Variants in ZNF462 observed in about 807,000 individuals in gnomAD.
ZNF462 encodes the protein zinc finger PBX1-interacting protein.
A neutral mutation model predicts 201.9 loss-of-function variants in ZNF462; 10 were observed. That is an observed-to-expected ratio of 0.05 (90% CI 0.03 to 0.08). ZNF462 has a LOEUF of 0.08. Among genes scored for constraint, ZNF462 ranks in the 10% least tolerant of loss-of-function variants. ZNF462 has a pLI of 1.00. For missense variants in ZNF462, 2,523 were observed against 3,168.3 expected (o/e 0.80, Z 4.89); for synonymous variants, 1,227 against 1,193.3 (o/e 1.03, Z -0.58).
rs1322702335 is a variant in ZNF462 at position 107,003,601 on chromosome 9, C to A, written c.7189+175C>A. Reference sequence around the variant, plus strand: ...AGAGCTGTGTCTTTGTAAACTATTACCAGCTATAGAAACGCCAAGGAAAAC... The same window carrying A: ...AGAGCTGTGTCTTTGTAAACTATTAACAGCTATAGAAACGCCAAGGAAAAC... On this transcript the variant is annotated intron_variant, in intron 11 of 12. Transcript: ENST00000277225. The surrounding 1 kb of genome is among the most constrained non-coding windows in gnomAD (Gnocchi z 4.4). Among the ~76,000 whole-genome samples, 2 of 152,106 alleles carry A rather than the reference C, an allele frequency of 1.3e-5. No homozygotes were observed. Among genetic ancestry groups the A allele is most frequent in the African/African-American group, 4.8e-5 (2 of 41,424 alleles).
At position 106,913,052 on chromosome 9, in the gene ZNF462, A is replaced by G. The variant is rs894031423; in HGVS notation, c.-30-10302A>G. 1.3e-5 allele frequency among the ~76,000 whole-genome samples: 2 copies of G among 152,226 alleles called. No homozygotes were observed. Among genetic ancestry groups the G allele is most frequent in the African/African-American group, 2.4e-5 (1 of 41,462 alleles). On this transcript the variant is annotated intron_variant, in intron 1 of 12. Coordinates refer to ENST00000277225, the MANE Select transcript of ZNF462 (RefSeq NM_021224.6). This position sits in a 1 kb window ranked among gnomAD's most constrained non-coding sequence, Gnocchi z 4.1. ...GTCAGGTGATGACTCCAGGTGTCAC[A>G]TCAGTTCAGGGTAGCTTAGCGGTGT...
Position 106,938,246 on chromosome 9 carries a change from AC to A in ZNF462, c.6236-665del, listed in dbSNP as rs1830714307. Among the ~76,000 whole-genome samples, 5 of 152,186 alleles carry A rather than the reference AC, an allele frequency of 3.3e-5. No individual in the cohort carries two copies. The highest frequency in any genetic ancestry group is 2.6e-4 in the Admixed American group (4 of 15,278). ...TATTGGAGATAAACACACACACTGT[AC>A]CCCCTAAACCCCCATGTTTACATAT... On this transcript the variant is annotated intron_variant, in intron 6 of 12. Transcript: ENST00000277225. This position sits in a 1 kb window ranked among gnomAD's most constrained non-coding sequence, Gnocchi z 4.4.
At position 106,891,225 on chromosome 9, in the gene ZNF462, C is replaced by T. The variant is rs140062615; in HGVS notation, c.-31+27870C>T. On this transcript the variant is annotated intron_variant, in intron 1 of 12. Transcript: ENST00000277225. Reference sequence around the variant, plus strand: ...TCCCTGGTACACAAACCTTGAAGCTCATGCTTTTTGCCATTAGGAATTCTG... The same window carrying T: ...TCCCTGGTACACAAACCTTGAAGCTTATGCTTTTTGCCATTAGGAATTCTG... Among the ~76,000 whole-genome samples, 808 of 152,312 alleles carry T rather than the reference C, an allele frequency of 5.3e-3. 10 individuals carry two copies. The highest frequency in any genetic ancestry group is 0.019 in the African/African-American group (785 of 41,562).
Position 106,925,187 on chromosome 9 carries a change from G to A in ZNF462, c.1275G>A (p.Leu425=), listed in dbSNP as rs1830140787. The change falls in exon 3 of 13, where the codon TTG becomes TTA. Residue 425 remains leucine (L), a synonymous_variant. Coordinates refer to ENST00000277225, the MANE Select transcript of ZNF462 (RefSeq NM_021224.6). This position sits in a 1 kb window ranked among gnomAD's most constrained non-coding sequence, Gnocchi z 7.9. ...TGGGCTCAGATGGCAACAAATTATTGGAGACCAAGGGGATTCCATTTAGAA... is the reference window on the plus strand; with the variant it reads ...TGGGCTCAGATGGCAACAAATTATTAGAGACCAAGGGGATTCCATTTAGAA... ...QLMGSDGNKL[L]ETKGIPFRRF... is the part of the protein sequence containing the mutation. 1 of 1,614,184 alleles carries A rather than the reference G, an allele frequency of 6.2e-7. No individual in the cohort carries two copies.
At chr9:107,001,040 C>G (rs1283794142) in intron 10 of ZNF462, among the ~76,000 whole-genome samples, 1 of 152,090 alleles carries the variant, frequency 6.6e-6, no homozygotes, top group Non-Finnish European at 1.5e-5. Context: ...TTTTTGTTTC[C>G]TGGTGACAGC....
At position 106,902,773 on chromosome 9, in the gene ZNF462, C is replaced by G. The variant is rs1829116439; in HGVS notation, c.-30-20581C>G. On this transcript the variant is annotated intron_variant, in intron 1 of 12. Coordinates refer to ENST00000277225, the MANE Select transcript of ZNF462 (RefSeq NM_021224.6). This position sits in a 1 kb window ranked among gnomAD's most constrained non-coding sequence, Gnocchi z 4.2. ...TTCTGTGGTATCAGATGTAATATCA[C>G]CTGTTTTGTTTCTTAGTGAGGTTAT... is the stretch of plus-strand genomic sequence containing the variant. Among the ~76,000 whole-genome samples the G allele has an allele frequency of 6.6e-6, 1 of 151,968 alleles. No homozygotes were observed. Among genetic ancestry groups the G allele is most frequent in the African/African-American group, 2.4e-5 (1 of 41,378 alleles).
At chr9:106,965,281 G>T (rs1372944802) in intron 7 of ZNF462, among the ~76,000 whole-genome samples, 1 of 152,036 alleles carries the variant, frequency 6.6e-6, no homozygotes, top group Admixed American at 6.6e-5. Context: ...AGTGAGGCTG[G>T]AGACATGGGC....
chr9:106,979,589 T>G lies in ZNF462; in HGVS notation c.6833-4597T>G, dbSNP rs570748242. The G allele has an allele frequency of 5.9e-5, 9 of 151,638 alleles. 1 individual carries two copies. The highest frequency in any genetic ancestry group is 1.7e-4 in the African/African-American group (7 of 40,936). 9.4% of individuals were successfully genotyped at this position (151,638 alleles called of 1,614,324 possible). On this transcript the variant is annotated intron_variant, in intron 9 of 12. Transcript: ENST00000277225. Reference sequence around the variant, plus strand: ...CTGGAGGAGAAAGCTCTAGCATTGTTTTAAGCTGTAGGGATACAGCCATGA... The same window carrying G: ...CTGGAGGAGAAAGCTCTAGCATTGTGTTAAGCTGTAGGGATACAGCCATGA...
At chr9:106,881,092 G>A (rs530504981) in intron 1 of ZNF462, among the ~76,000 whole-genome samples, 1 of 152,294 alleles carries the variant, frequency 6.6e-6, no homozygotes, top group Non-Finnish European at 1.5e-5. Flanking sequence ...GTAAGGACGA[G>A]GACAGTTGGC....
At position 106,993,907 on chromosome 9, in the gene ZNF462, G is replaced by A. The variant is rs1828488206; in HGVS notation, c.7057-9387G>A. The stretch of plus-strand genomic sequence containing the variant: ...TTGCAGGTGTGAGCCACTGTGCCCA[G>A]CCTAAGACAACATCTTTAGGAACCT... On this transcript the variant is annotated intron_variant, in intron 10 of 12. Transcript: ENST00000277225. The surrounding 1 kb of genome is among the most constrained non-coding windows in gnomAD (Gnocchi z 4.0). Among the ~76,000 whole-genome samples, 1 of 151,992 alleles carries A rather than the reference G, an allele frequency of 6.6e-6. No individual in the cohort carries two copies. The highest frequency in any genetic ancestry group is 2.4e-5 in the African/African-American group (1 of 41,414).
chr9:106,951,017 G>A (rs1831320713), intron 7 of ZNF462, among the ~76,000 whole-genome samples: 1 of 150,468 alleles, frequency 6.6e-6, no homozygotes, highest in African/African-American at 2.5e-5. Flanking sequence ...TTGAACCCAG[G>A]AGACAGAGGT....
At chr9:106,956,614 A>G (rs958181989) in intron 7 of ZNF462, among the ~76,000 whole-genome samples, 10 of 140,494 alleles carry the variant, frequency 7.1e-5, no homozygotes, top group Non-Finnish European at 1.5e-5. Flanking sequence ...CCTAGATGGA[A>G]TCTTCTTCCA....
At chr9:106,893,575 C>T (rs762134649) in intron 1 of ZNF462, among the ~76,000 whole-genome samples, 11 of 152,130 alleles carry the variant, frequency 7.2e-5, no homozygotes, top group African/African-American at 2.2e-4. Context: ...TAACCGCACT[C>T]GAAGCGATAT....
Position 106,890,713 on chromosome 9 carries a change from C to T in ZNF462, c.-31+27358C>T, listed in dbSNP as rs536528465. 6.6e-6 allele frequency among the ~76,000 whole-genome samples: 1 copy of T among 152,252 alleles called. No homozygotes were observed. The highest frequency in any genetic ancestry group is 2.1e-4 in the South Asian group (1 of 4,824). ...TTGGAGGTCATTCCCTGCCTTTGTC[C>T]TCTGCTCTAAGGCTCATGTCACTCG... On this transcript the variant is annotated intron_variant, in intron 1 of 12. Transcript: ENST00000277225. The surrounding 1 kb of genome is among the most constrained non-coding windows in gnomAD (Gnocchi z 4.2).
At chr9:106,997,737 G>T (rs535895771) in intron 10 of ZNF462, among the ~76,000 whole-genome samples, 3 of 152,228 alleles carry the variant, frequency 2.0e-5, no homozygotes, top group African/African-American at 7.2e-5. Flanking sequence ...AAGAAGATCT[G>T]TCTGTTGAGT....
intron 1 of ZNF462, among the ~76,000 whole-genome samples, chr9:106,903,109 G>A (rs1190840201): frequency 1.3e-5 from 2 of 151,996 alleles, no homozygotes; most frequent in African/African-American, 2.4e-5. Context: ...CCTTTGCTTT[G>A]TCCCAGAGGT....
At chr9:106,881,922 A>C (rs560830033) in intron 1 of ZNF462, among the ~76,000 whole-genome samples, 1 of 152,042 alleles carries the variant, frequency 6.6e-6, no homozygotes, top group African/African-American at 2.4e-5. Context: ...TTTTGTTTTG[A>C]CTATTGCTAC....
chr9:106,908,922 T>TATAC (rs1172552822), intron 1 of ZNF462, among the ~76,000 whole-genome samples: 1 of 29,356 alleles, frequency 3.4e-5, no homozygotes, highest in Non-Finnish European at 6.3e-5. Flanking sequence ...TATATATATA[T>TATAC]ATATATATAT....
chr9:106,927,564 G>A lies in ZNF462; in HGVS notation c.3652G>A (p.Asp1218Asn). Residue 1218 changes from aspartate (D) to asparagine (N), a missense_variant, in exon 3 of 13, where the codon GAC (aspartate) becomes AAC (asparagine). Asp to Asn is a conservative substitution (Grantham distance 23). Transcript: ENST00000277225. The part of the protein sequence containing the change: ...VLIHYQKKHR[D>N]FKANADVIRQ... Reference sequence around the variant, plus strand: ...CATTCATTATCAGAAGAAGCACCGAGACTTCAAGGCCAATGCAGATGTGAT... The same window carrying A: ...CATTCATTATCAGAAGAAGCACCGAAACTTCAAGGCCAATGCAGATGTGAT... The A allele has an allele frequency of 4.3e-6, 7 of 1,613,946 alleles. No individual in the cohort carries two copies. The highest frequency in any genetic ancestry group is 5.1e-6 in the Non-Finnish European group (6 of 1,179,938).
Sources: allele counts gnomAD v4.1 joint callset (sites outside exome capture counted in the v4.1 genomes callset), GRCh38; gene constraint gnomAD v4.1.1; non-coding constraint Gnocchi (gnomAD v3.1); transcripts MANE v1.5; gene names NCBI Gene and HGNC (gene_info 2026-07-23, HGNC 2026-07-21).